The following GRIP2 variants were observed in gnomAD, a reference collection of about 807,000 sequenced individuals.
The protein encoded by GRIP2 is glutamate receptor-interacting protein 2.
GRIP2 carries 58 observed loss-of-function variants against 108.3 expected under a neutral mutation model. The observed-to-expected ratio is 0.54, with a 90% CI of 0.43 to 0.67. The LOEUF (loss-of-function observed/expected upper bound fraction) is 0.67, where lower values mean the gene tolerates loss of function less well. GRIP2 is among the 30% of genes least tolerant of loss of function. The pLI is 0.00. For synonymous variants in GRIP2, 586 were observed against 598.2 expected (o/e 0.98, Z 0.30); for missense variants, 1,278 against 1,430.6 (o/e 0.89, Z 1.72).
intron 2 of GRIP2, 102 bp downstream of exon 2, chr3:14,525,749 T>A: frequency 7.5e-7 from 1 of 1,336,942 alleles, no homozygotes; most frequent in Non-Finnish European, 1.0e-6. Flanking sequence ...TGGTCTAAGG[T>A]CACAGAGCAA....
At position 14,493,531 on chromosome 3, in the gene GRIP2, A is replaced by G; in HGVS notation, c.*134T>C. 1 of 1,083,310 alleles carries G rather than the reference A, an allele frequency of 9.2e-7. No individual in the cohort carries two copies. Among genetic ancestry groups the G allele is most frequent in the South Asian group, 1.6e-5 (1 of 60,674 alleles). The allele number at this position is 1,083,310 out of a possible 1,614,324, so 67.1% of individuals were successfully genotyped here. A position where few individuals can be genotyped will look rare whatever the true frequency, so the allele number is the denominator to read the frequency against. On this transcript the variant is annotated 3_prime_UTR_variant, in exon 24 of 24. Coordinates refer to ENST00000621039, the MANE Select transcript of GRIP2 (RefSeq NM_001080423.4). The stretch of plus-strand genomic sequence containing the variant: ...CCACAGACCTGGGGAACAGAGACCA[A>G]GCATCATCCCAGGCTCAGAGTCTGC...
rs115274088 is a variant in GRIP2 at position 14,507,175 on chromosome 3, G to A, written c.2219-195C>T. Among the ~76,000 whole-genome samples, 267 of 152,026 alleles carry A rather than the reference G, an allele frequency of 1.8e-3. 2 individuals carry two copies. Among genetic ancestry groups the A allele is most frequent in the African/African-American group, 6.0e-3 (250 of 41,466 alleles). On this transcript the variant is annotated intron_variant, in intron 18 of 23. Coordinates refer to ENST00000621039, the MANE Select transcript of GRIP2 (RefSeq NM_001080423.4). The surrounding 1 kb of genome is among the most constrained non-coding windows in gnomAD (Gnocchi z 4.6). ...CTCGGGGAAGCTGAGCAGCATGCCCGAGATCACACAGTGAGCACCAGTGGA... is the reference window on the plus strand; with the variant it reads ...CTCGGGGAAGCTGAGCAGCATGCCCAAGATCACACAGTGAGCACCAGTGGA...
At chr3:14,578,620 A>G in the GRIP2 span, among the ~76,000 whole-genome samples, 3 of 152,082 alleles carry the variant, frequency 2.0e-5, no homozygotes, top group Admixed American at 1.3e-4. Context: ...GGGAGGCTGA[A>G]ACAGGAGAAT....
rs758831207 is a variant in GRIP2 at position 14,496,499 on chromosome 3, G to A, written c.2741C>T (p.Pro914Leu). The A allele has an allele frequency of 8.7e-6, 14 of 1,612,324 alleles. No individual in the cohort carries two copies. Among genetic ancestry groups the A allele is most frequent in the Non-Finnish European group, 1.1e-5 (13 of 1,179,374 alleles). ...TCGTACCTCCCGGCCCCTCTGCCAAGGCCGGTGGCCAGGCCTGCCCTCGAG... is the reference window on the plus strand; with the variant it reads ...TCGTACCTCCCGGCCCCTCTGCCAAAGCCGGTGGCCAGGCCTGCCCTCGAG... ...VALEGRPGHR[P>L]WQRGREVRAS... Residue 914 changes from proline to leucine, a missense_variant, in exon 22 of 24, where the codon CCT (proline) becomes CTT (leucine). Physicochemically the swap from Pro to Leu is moderately conservative, Grantham distance 98 (BLOSUM62 -3). Transcript: ENST00000621039.
At chr3:14,525,688 G>T in intron 2 of GRIP2, 116 bp from the exon 3 acceptor site, 1 of 1,363,628 alleles carries the variant, frequency 7.3e-7, no homozygotes, top group South Asian at 1.3e-5. Flanking sequence ...GCATTGCCCT[G>T]GGTGATGATC....
chr3:14,533,937 G>A lies in GRIP2; in HGVS notation c.40+6332C>T, dbSNP rs187131051. Among the ~76,000 whole-genome samples, 130 of 152,318 alleles carry A rather than the reference G, an allele frequency of 8.5e-4. 1 individual carries two copies. Among genetic ancestry groups the A allele is most frequent in the Non-Finnish European group, 1.6e-4 (11 of 68,036 alleles). Reference sequence around the variant, plus strand: ...ATACTACTGTGCGCAAAGAGTCAGTGGGCAGCAGGCGAGGCCTCGAGAGAC... The same window carrying A: ...ATACTACTGTGCGCAAAGAGTCAGTAGGCAGCAGGCGAGGCCTCGAGAGAC... On this transcript the variant is annotated intron_variant, in intron 1 of 23. Coordinates refer to ENST00000621039, the MANE Select transcript of GRIP2 (RefSeq NM_001080423.4).
chr3:14,579,015 T>C, the GRIP2 span, among the ~76,000 whole-genome samples: 621 of 152,258 alleles, frequency 4.1e-3, 4 homozygotes, highest in South Asian at 9.5e-3. Flanking sequence ...CACTTGCGTA[T>C]CAGTGTTTAG....
At chr3:14,580,121 G>T in the GRIP2 span, among the ~76,000 whole-genome samples, 1 of 152,210 alleles carries the variant, frequency 6.6e-6, no homozygotes, top group African/African-American at 2.4e-5. Context: ...TCCCTGTGGG[G>T]CAGGGGCTGG....
At position 14,493,792 on chromosome 3, in the gene GRIP2, C is replaced by A; in HGVS notation, c.3005G>T (p.Cys1002Phe). The change falls in exon 24 of 24, where the codon TGC becomes TTC. Residue 1002 changes from cysteine to phenylalanine, a missense_variant. Transcript: ENST00000621039. Reference sequence around the variant, plus strand: ...CTCGGCCAGGAGTGGCACCGCCAGGCAGCAGTCGAAGTCCCGTGTACGGAC... The same window carrying A: ...CTCGGCCAGGAGTGGCACCGCCAGGAAGCAGTCGAAGTCCCGTGTACGGAC... ...NHVRTRDFDCCLAVPLLAEAG... is the reference protein window; with the variant it reads ...NHVRTRDFDCFLAVPLLAEAG... The A allele has an allele frequency of 6.2e-7, 1 of 1,613,522 alleles. No homozygotes were observed. The highest frequency in any genetic ancestry group is 1.1e-5 in the South Asian group (1 of 91,010).
chr3:14,527,383 G>A (rs1694586385), intron 1 of GRIP2, among the ~76,000 whole-genome samples: 2 of 117,436 alleles, frequency 1.7e-5, no homozygotes, highest in Non-Finnish European at 3.8e-5. Flanking sequence ...GAAAGGAAAG[G>A]AAAGGAAAGA....
intron 9 of GRIP2, among the ~76,000 whole-genome samples, chr3:14,519,032 A>T (rs964715966): frequency 6.6e-6 from 1 of 152,244 alleles, no homozygotes; most frequent in African/African-American, 2.4e-5. Context: ...GGAGGACAGT[A>T]AGACTAAGCT....
At chr3:14,501,478 C>T (rs923846636) in intron 21 of GRIP2, among the ~76,000 whole-genome samples, 9 of 152,040 alleles carry the variant, frequency 5.9e-5, no homozygotes, top group African/African-American at 2.2e-4. Flanking sequence ...TTGGTTTGGA[C>T]AAAACAGGTG....
intron 1 of GRIP2, among the ~76,000 whole-genome samples, chr3:14,530,309 T>C (rs1337675625): frequency 1.3e-5 from 2 of 152,234 alleles, no homozygotes; most frequent in Admixed American, 1.3e-4. Flanking sequence ...AGCCTTCGGC[T>C]ACCAGACGCA....
At chr3:14,582,828 T>C in the GRIP2 span, among the ~76,000 whole-genome samples, 1 of 152,242 alleles carries the variant, frequency 6.6e-6, no homozygotes, top group South Asian at 2.1e-4. Context: ...TTTGTTGACA[T>C]GTGCTTGGCT....
the GRIP2 span, among the ~76,000 whole-genome samples, chr3:14,569,617 C>T: frequency 4.2e-3 from 639 of 152,224 alleles, 4 homozygotes; most frequent in Middle Eastern, 0.017. Flanking sequence ...CAGTTGTTTC[C>T]CAGCCAGTGT....
chr3:14,593,618 G>A, the GRIP2 span, among the ~76,000 whole-genome samples: 2 of 152,186 alleles, frequency 1.3e-5, no homozygotes, highest in African/African-American at 4.8e-5. Context: ...TTCACGAGGC[G>A]CAGGCCATCC....
In GRIP2 at chr3:14,493,449, G is replaced by C. The variant is rs1043043400; in HGVS notation, c.*216C>G. The C allele has an allele frequency of 2.3e-5, 13 of 569,598 alleles. No individual in the cohort carries two copies. Among genetic ancestry groups the C allele is most frequent in the Non-Finnish European group, 2.4e-5 (8 of 335,686 alleles). 35.3% of individuals were successfully genotyped at this position (569,598 alleles called of 1,614,324 possible). On this transcript the variant is annotated 3_prime_UTR_variant, in exon 24 of 24. Transcript: ENST00000621039. The stretch of plus-strand genomic sequence containing the variant: ...GCATCTTGGAGACCCAACTTGGCGA[G>C]AGACCCCAGCTGTCACTCCAACTAG...
At position 14,492,017 on chromosome 3, in the gene GRIP2, G is replaced by A. The variant is rs891310425; in HGVS notation, c.*1648C>T. Reference sequence around the variant, plus strand: ...AGAGCCCAGCGAAGTGGAGGGGAGGGGTAAGGGAGGCAGGCCTCCAGGAGA... The same window carrying A: ...AGAGCCCAGCGAAGTGGAGGGGAGGAGTAAGGGAGGCAGGCCTCCAGGAGA... On this transcript the variant is annotated 3_prime_UTR_variant, in exon 24 of 24. Coordinates refer to ENST00000621039, the MANE Select transcript of GRIP2 (RefSeq NM_001080423.4). 6.6e-6 allele frequency: 1 copy of A among 152,402 alleles called. No homozygotes were observed. The highest frequency in any genetic ancestry group is 2.4e-5 in the African/African-American group (1 of 41,458). The allele number at this position is 152,402 out of a possible 1,614,324, so 9.4% of individuals were successfully genotyped here.
chr3:14,594,271 G>T, the GRIP2 span, among the ~76,000 whole-genome samples: 1 of 152,166 alleles, frequency 6.6e-6, no homozygotes, highest in Non-Finnish European at 1.5e-5. Context: ...CTAAACACTG[G>T]GCCAGTCTGT....
Sources: allele counts gnomAD v4.1 joint callset (sites outside exome capture counted in the v4.1 genomes callset), GRCh38; gene constraint gnomAD v4.1.1; non-coding constraint Gnocchi (gnomAD v3.1); transcripts MANE v1.5; gene names NCBI Gene and HGNC (gene_info 2026-07-23, HGNC 2026-07-21).